CNTNAP5: variants seen among roughly 807,000 people sequenced by gnomAD.
CNTNAP5 encodes the protein contactin-associated protein-like 5.
In CNTNAP5, 72 loss-of-function variants were observed where a neutral mutation model predicts 150.2. The ratio of observed to expected loss-of-function variants is 0.48; its 90% CI spans 0.40 to 0.58. CNTNAP5 has a LOEUF of 0.58. Among genes scored for constraint, CNTNAP5 ranks in the 20% least tolerant of loss-of-function variants. CNTNAP5 has a pLI of 0.00. For synonymous variants in CNTNAP5, 672 were observed against 619.8 expected, an observed-to-expected ratio of 1.08 and a Z score of -1.25; for missense variants, 1,636 against 1,626.2, an observed-to-expected ratio of 1.01 and a Z score of -0.10.
intron 1 of CNTNAP5, among the ~76,000 whole-genome samples, chr2:124,052,938 C>T (rs1371397405): frequency 6.6e-6 from 1 of 152,180 alleles, no homozygotes; most frequent in Non-Finnish European, 1.5e-5. Flanking sequence ...CCTTGCCTGG[C>T]TGACTTCTAT....
chr2:124,171,811 G>C (rs1684940426), intron 1 of CNTNAP5, among the ~76,000 whole-genome samples: 2 of 152,090 alleles, frequency 1.3e-5, no homozygotes, highest in Non-Finnish European at 2.9e-5. Flanking sequence ...TATGTTTTAG[G>C]TTCTTTATCA....
At chr2:124,276,495 G>T (rs1687886117) in intron 3 of CNTNAP5, among the ~76,000 whole-genome samples, 1 of 152,132 alleles carries the variant, frequency 6.6e-6, no homozygotes, top group Non-Finnish European at 1.5e-5. Flanking sequence ...GCACCTAGTA[G>T]ATTTCAAAAT....
chr2:124,215,740 A>C (rs934169880), intron 1 of CNTNAP5, among the ~76,000 whole-genome samples: 1 of 150,062 alleles, frequency 6.7e-6, no homozygotes, highest in Non-Finnish European at 1.5e-5. Flanking sequence ...AAAAGAAGAG[A>C]AATTCAAATT....
intron 1 of CNTNAP5, among the ~76,000 whole-genome samples, chr2:124,187,171 GA>G (rs1489220264): frequency 6.6e-6 from 1 of 152,142 alleles, no homozygotes; most frequent in African/African-American, 2.4e-5. Context: ...AGGAAAAAAA[GA>G]AAAGGTAGCA....
chr2:124,219,458 G>T (rs989332582), intron 1 of CNTNAP5, among the ~76,000 whole-genome samples: 1 of 152,108 alleles, frequency 6.6e-6, no homozygotes, highest in Non-Finnish European at 1.5e-5. Flanking sequence ...TGTCAGAAAA[G>T]CTGTGATTTC....
At chr2:124,642,971 A>G (rs1678125631) in intron 12 of CNTNAP5, among the ~76,000 whole-genome samples, 1 of 152,332 alleles carries the variant, frequency 6.6e-6, no homozygotes, top group Non-Finnish European at 1.5e-5. Context: ...TTGATGGCCC[A>G]TAACTCATAG....
chr2:124,567,835 T>TGATAGATAGATA lies in CNTNAP5; in HGVS notation c.1756+4549_1756+4560dup, dbSNP rs10685444. On this transcript the variant is annotated intron_variant, in intron 11 of 23. Coordinates refer to ENST00000682447, the MANE Select transcript of CNTNAP5 (RefSeq NM_001367498.1). ...TGATTGTGGGATATTAGGGCATAGA[T>TGATAGATAGATA]GATAGATAGATAGATAGATAGATAG... Among the ~76,000 whole-genome samples the TGATAGATAGATA allele has an allele frequency of 4.7e-3, 627 of 132,900 alleles. 5 individuals carry two copies. Among genetic ancestry groups the TGATAGATAGATA allele is most frequent in the African/African-American group, 5.4e-3 (201 of 36,972 alleles). The allele number at this position is 132,900 out of a possible 152,430, so 87.2% of individuals were successfully genotyped here. A position where few individuals can be genotyped will look rare whatever the true frequency, so the allele number is the denominator to read the frequency against.
intron 2 of CNTNAP5, among the ~76,000 whole-genome samples, chr2:124,232,901 T>G (rs2104755066): frequency 6.6e-6 from 1 of 152,256 alleles, no homozygotes; most frequent in South Asian, 2.1e-4. Flanking sequence ...TTGAAAAATA[T>G]TAAATTATTC....
chr2:124,695,114 G>T (rs1001665165), intron 13 of CNTNAP5, among the ~76,000 whole-genome samples: 3 of 151,810 alleles, frequency 2.0e-5, no homozygotes, highest in Non-Finnish European at 4.4e-5. Flanking sequence ...CCAGAGAATC[G>T]ATAAAACAAT....
rs1372041241 is a variant in CNTNAP5 at position 124,596,023 on chromosome 2, C to T, written c.1757-13778C>T. On this transcript the variant is annotated intron_variant, in intron 11 of 23. Transcript: ENST00000682447. ...TTTTTATTGTGTCTATTTGATTCTTCTCTCTTTTTTTCTTTATTAGTCTTG... is the reference window on the plus strand; with the variant it reads ...TTTTTATTGTGTCTATTTGATTCTTTTCTCTTTTTTTCTTTATTAGTCTTG... 1.8e-5 allele frequency among the ~76,000 whole-genome samples: 2 copies of T among 108,688 alleles called. 1 individual carries two copies. The highest frequency in any genetic ancestry group is 6.8e-4 in the East Asian group (2 of 2,962). 71.3% of individuals were successfully genotyped at this position (108,688 alleles called of 152,430 possible).
chr2:124,756,915 C>T (rs1379247263), intron 14 of CNTNAP5, among the ~76,000 whole-genome samples: 2 of 151,906 alleles, frequency 1.3e-5, no homozygotes, highest in Admixed American at 6.6e-5. Flanking sequence ...CACATGTACC[C>T]CTGAAATTAA....
chr2:124,637,182 T>C (rs572868072), intron 12 of CNTNAP5, among the ~76,000 whole-genome samples: 1 of 152,320 alleles, frequency 6.6e-6, no homozygotes, highest in African/African-American at 2.4e-5. Context: ...TTATTCATAA[T>C]TCAAGCAGTG....
chr2:124,611,363 C>T (rs1051289218), intron 12 of CNTNAP5, among the ~76,000 whole-genome samples: 1 of 152,232 alleles, frequency 6.6e-6, no homozygotes, highest in East Asian at 1.9e-4. Context: ...AAGTCCTATG[C>T]TGTCTGCGTA....
intron 19 of CNTNAP5, among the ~76,000 whole-genome samples, chr2:124,838,877 C>T (rs1201356937): frequency 1.3e-5 from 2 of 152,078 alleles, no homozygotes; most frequent in Admixed American, 6.6e-5. Flanking sequence ...TTATTAACTA[C>T]CATCTGCCAT....
At chr2:124,136,210 G>C (rs1044402109) in intron 1 of CNTNAP5, among the ~76,000 whole-genome samples, 16 of 152,154 alleles carry the variant, frequency 1.1e-4, no homozygotes, top group Non-Finnish European at 2.2e-4. Context: ...CCCCAGAGCT[G>C]TAAGTGAATC....
At position 124,647,924 on chromosome 2, in the gene CNTNAP5, C is replaced by T; in HGVS notation, c.2043C>T (p.Tyr681=). The T allele has an allele frequency of 6.2e-7, 1 of 1,607,510 alleles. No individual in the cohort carries two copies. Among genetic ancestry groups the T allele is most frequent in the Non-Finnish European group, 8.5e-7 (1 of 1,177,408 alleles). The change falls in exon 13 of 24, where the codon TAC becomes TAT. Residue 681 remains tyrosine, a synonymous_variant. Coordinates refer to ENST00000682447, the MANE Select transcript of CNTNAP5 (RefSeq NM_001367498.1). ...AGCACTGTGAGCAGGAGGTGGCCTA[C>T]CACTGCAGGAGGTCCCGCCTGCTCA... ...GSEHCEQEVA[Y]HCRRSRLLNT... is the part of the protein sequence containing the mutation.
intron 5 of CNTNAP5, among the ~76,000 whole-genome samples, chr2:124,441,219 T>A (rs1229443833): frequency 1.3e-5 from 2 of 152,146 alleles, no homozygotes; most frequent in Admixed American, 6.5e-5. Context: ...CCTTTTTGGT[T>A]AATTAATAAG....
intron 13 of CNTNAP5, among the ~76,000 whole-genome samples, chr2:124,681,877 T>C (rs936809225): frequency 1.3e-5 from 2 of 152,186 alleles, no homozygotes; most frequent in Non-Finnish European, 2.9e-5. Flanking sequence ...TTTTGTTTTT[T>C]AGTTCTTGTT....
intron 13 of CNTNAP5, among the ~76,000 whole-genome samples, chr2:124,704,763 C>G (rs1679598442): frequency 6.6e-6 from 1 of 151,554 alleles, no homozygotes. Context: ...CTCCCTACCC[C>G]CAACTTCTAC....
Sources: allele counts gnomAD v4.1 joint callset (sites outside exome capture counted in the v4.1 genomes callset), GRCh38; gene constraint gnomAD v4.1.1; transcripts MANE v1.5; gene names NCBI Gene and HGNC (gene_info 2026-07-23, HGNC 2026-07-21).